The following INSR variants were observed in gnomAD, a reference collection of about 807,000 sequenced individuals.
INSR encodes the protein insulin receptor.
In INSR, 67 loss-of-function variants were observed where a neutral mutation model predicts 142.6. That is an observed-to-expected ratio of 0.47 (90% confidence interval 0.39 to 0.58). The LOEUF is 0.58. Ranked by LOEUF, INSR falls within the 20% of genes least tolerant of loss-of-function variation. The probability of loss-of-function intolerance (pLI) is 0.00; values close to 1 mark genes in which losing one functional copy is unlikely to be tolerated. For missense variants in INSR, 1,248 were observed against 1,833.2 expected, an observed-to-expected ratio of 0.68 and a Z score of 5.83; for synonymous variants, 756 against 743.1, an observed-to-expected ratio of 1.02 and a Z score of -0.28.
chr19:7,130,606 A>G (rs764525039), intron 14 of INSR, among the ~76,000 whole-genome samples: 9 of 152,120 alleles, frequency 5.9e-5, no homozygotes, highest in Non-Finnish European at 1.3e-4. Context: ...CCGTCTTAAC[A>G]CCTTGCTCCC....
intron 1 of INSR, among the ~76,000 whole-genome samples, chr19:7,284,192 G>A (rs1354445585): frequency 6.6e-6 from 1 of 151,842 alleles, no homozygotes; most frequent in East Asian, 1.9e-4. Flanking sequence ...AGCCTCCCAG[G>A]TAGCTGAGAT....
rs1422726381 is a variant in INSR, at chr19:7,117,074, A to C, written c.4131T>G (p.Pro1377=). The change falls in exon 22 of 22, where the codon CCT becomes CCG. Residue 1377 remains proline, a synonymous_variant. Coordinates refer to ENST00000302850, the MANE Select transcript of INSR (RefSeq NM_000208.4). The part of the protein sequence containing the change: ...GKKNGRILTL[P]RSNPS The stretch of plus-strand genomic sequence containing the variant: ...GGCACTGTTAGGAAGGATTGGACCG[A>C]GGCAAGGTCAGAATCCGCCCGTTTT... The C allele has an allele frequency of 6.2e-7, 1 of 1,614,044 alleles. No homozygotes were observed. The highest frequency in any genetic ancestry group is 8.5e-7 in the Non-Finnish European group (1 of 1,179,950).
At chr19:7,181,620 C>T (rs892162609) in intron 3 of INSR, among the ~76,000 whole-genome samples, 15 of 149,222 alleles carry the variant, frequency 1.0e-4, no homozygotes, top group Admixed American at 2.7e-4. Context: ...TGGGGGCTAA[C>T]GTGCAATGGC....
intron 2 of INSR, among the ~76,000 whole-genome samples, chr19:7,210,455 A>C (rs941914422): frequency 5.9e-5 from 9 of 152,032 alleles, no homozygotes; most frequent in Non-Finnish European, 7.4e-5. Context: ...AAAACCTAAG[A>C]GCTGAGAAAA....
At chr19:7,234,983 G>A (rs1035681123) in intron 2 of INSR, among the ~76,000 whole-genome samples, 7 of 151,942 alleles carry the variant, frequency 4.6e-5, no homozygotes, top group Admixed American at 6.6e-5. Context: ...GCGTGAACCC[G>A]GGAGGCGGAG....
chr19:7,265,140 C>T (rs1293383532), intron 2 of INSR, among the ~76,000 whole-genome samples: 5 of 152,164 alleles, frequency 3.3e-5, no homozygotes, highest in South Asian at 2.1e-4. Context: ...GAAAAGAAGT[C>T]CATGAAACAA....
intron 2 of INSR, among the ~76,000 whole-genome samples, chr19:7,257,078 G>T (rs1375029592): frequency 1.3e-5 from 2 of 151,780 alleles, no homozygotes; most frequent in Non-Finnish European, 2.9e-5. Flanking sequence ...AAGCAGCTGG[G>T]ATTACAGGTG....
In INSR at chr19:7,116,700, C is replaced by CAA. The variant is rs71177157; in HGVS notation, c.*354_*355dup. The stretch of plus-strand genomic sequence containing the variant: ...TTTTATACTGAAGCTCAGACACCAG[C>CAA]AAAAAAAAAAAAAAAAAAAAAGAAT... On this transcript the variant is annotated 3_prime_UTR_variant, in exon 22 of 22. Coordinates refer to ENST00000302850, the MANE Select transcript of INSR (RefSeq NM_000208.4). The CAA allele has an allele frequency of 1.8e-3, 92 of 50,514 alleles. 2 individuals carry two copies. Among genetic ancestry groups the CAA allele is most frequent in the African/African-American group, 4.0e-3 (57 of 14,240 alleles). The allele number at this position is 50,514 out of a possible 1,614,324, so 3.1% of individuals were successfully genotyped here. A position where few individuals can be genotyped will look rare whatever the true frequency, so the allele number is the denominator to read the frequency against.
Position 7,294,005 on chromosome 19 carries a change from A to C in INSR, c.-114T>G. The C allele has an allele frequency of 4.8e-6, 5 of 1,052,088 alleles. No homozygotes were observed. Among genetic ancestry groups the C allele is most frequent in the East Asian group, 5.5e-5 (1 of 18,196 alleles). 65.2% of individuals were successfully genotyped at this position (1,052,088 alleles called of 1,614,324 possible). ...TGGGGGCCGCGCGTCCTTCTCTTCC[A>C]CGCCCGCGACCCGCGGGCCGCAGCC... On this transcript the variant is annotated 5_prime_UTR_variant, in exon 1 of 22. Coordinates refer to ENST00000302850, the MANE Select transcript of INSR (RefSeq NM_000208.4).
At chr19:7,258,742 G>A (rs1976967923) in intron 2 of INSR, among the ~76,000 whole-genome samples, 1 of 149,120 alleles carries the variant, frequency 6.7e-6, no homozygotes, top group African/African-American at 2.5e-5. Context: ...TCAACTGTGA[G>A]CCAGGTACTA....
At chr19:7,190,213 C>A (rs1974542109) in intron 2 of INSR, among the ~76,000 whole-genome samples, 1 of 151,854 alleles carries the variant, frequency 6.6e-6, no homozygotes, top group African/African-American at 2.4e-5. Context: ...AAAAATCATC[C>A]CCAAAGATTA....
intron 2 of INSR, among the ~76,000 whole-genome samples, chr19:7,208,775 G>A (rs1975189396): frequency 6.6e-6 from 1 of 152,152 alleles, no homozygotes; most frequent in Non-Finnish European, 1.5e-5. Flanking sequence ...GGAGGCCGAA[G>A]TGGGCGGATC....
At chr19:7,193,833 G>T (rs1974664511) in intron 2 of INSR, among the ~76,000 whole-genome samples, 1 of 152,066 alleles carries the variant, frequency 6.6e-6, no homozygotes, top group Middle Eastern at 3.4e-3. Flanking sequence ...GGGACTACAG[G>T]CGTACACCAC....
At chr19:7,154,313 T>C (rs1400743464) in intron 9 of INSR, among the ~76,000 whole-genome samples, 2 of 141,846 alleles carry the variant, frequency 1.4e-5, no homozygotes, top group African/African-American at 2.6e-5. Context: ...TTTTTTTTTT[T>C]TTTTTTTGAG....
At position 7,123,034 on chromosome 19, in the gene INSR, C is replaced by T. The variant is rs377724612; in HGVS notation, c.3259-45G>A. The T allele has an allele frequency of 2.0e-5, 29 of 1,415,816 alleles. No individual in the cohort carries two copies. In the African/African-American group the frequency reaches 2.8e-4, roughly 14 times the overall value. The allele number at this position is 1,415,816 out of a possible 1,614,324, so 87.7% of individuals were successfully genotyped here. A position where few individuals can be genotyped will look rare whatever the true frequency, so the allele number is the denominator to read the frequency against. Reference sequence around the variant, plus strand: ...GGTTCTTGGAGGAGGGTCCGTGATTCGACTCACCAGGGTTCTCCTCCCTCC... The same window carrying T: ...GGTTCTTGGAGGAGGGTCCGTGATTTGACTCACCAGGGTTCTCCTCCCTCC... On this transcript the variant is annotated intron_variant, in intron 17 of 21. Transcript: ENST00000302850.
chr19:7,272,875 A>G (rs536427016), intron 1 of INSR, among the ~76,000 whole-genome samples: 1 of 152,202 alleles, frequency 6.6e-6, no homozygotes, highest in Admixed American at 6.5e-5. Context: ...AACCTTCTCC[A>G]TAAAAGAAGT....
intron 2 of INSR, among the ~76,000 whole-genome samples, chr19:7,214,779 CTTT>C (rs1393345032): frequency 6.6e-6 from 1 of 151,732 alleles, no homozygotes; most frequent in Non-Finnish European, 1.5e-5. Flanking sequence ...CTTCCCTTCC[CTTT>C]TTTTCTTCCC....
chr19:7,240,658 C>A (rs371130230), intron 2 of INSR, among the ~76,000 whole-genome samples: 3 of 152,038 alleles, frequency 2.0e-5, no homozygotes, highest in Admixed American at 6.6e-5. Flanking sequence ...TTTCCTGGCC[C>A]GAAAATCCAA....
At chr19:7,121,111 C>T (rs897578059) in intron 19 of INSR, among the ~76,000 whole-genome samples, 2 of 152,078 alleles carry the variant, frequency 1.3e-5, no homozygotes, top group Middle Eastern at 6.8e-3. Flanking sequence ...AATTCTCTTG[C>T]CTCAGCCTCC....
Sources: allele counts gnomAD v4.1 joint callset (sites outside exome capture counted in the v4.1 genomes callset), GRCh38; gene constraint gnomAD v4.1.1; transcripts MANE v1.5; gene names NCBI Gene and HGNC (gene_info 2026-07-23, HGNC 2026-07-21).